TNRC6B: variants seen among roughly 807,000 people sequenced by gnomAD.
TNRC6B encodes trinucleotide repeat-containing gene 6B protein.
A neutral mutation model predicts 203.6 loss-of-function variants in TNRC6B; 52 were observed. The ratio of observed to expected loss-of-function variants is 0.26; its 90% CI spans 0.20 to 0.32. The LOEUF (loss-of-function observed/expected upper bound fraction) is 0.32. Ranked by LOEUF, TNRC6B falls within the 10% of genes least tolerant of loss-of-function variation. TNRC6B has a pLI of 1.00. For missense variants in TNRC6B, 1,923 were observed against 2,286.2 expected (o/e 0.84, Z 3.24); for synonymous variants, 838 against 845.7 (o/e 0.99, Z 0.16).
chr22:40,046,790 G>A (rs943060921), intron 1 of TNRC6B, among the ~76,000 whole-genome samples: 2 of 151,684 alleles, frequency 1.3e-5, no homozygotes, highest in Admixed American at 1.3e-4. Context: ...GACTACAGGC[G>A]CCCGCCACCA....
intron 4 of TNRC6B, among the ~76,000 whole-genome samples, chr22:40,158,199 C>T (rs2068835183): frequency 6.6e-6 from 1 of 151,848 alleles, no homozygotes; most frequent in South Asian, 2.1e-4. Context: ...ATTAGCCAGG[C>T]GTGGTGGCAC....
At chr22:40,308,316 C>T (rs932186764) in intron 15 of TNRC6B, among the ~76,000 whole-genome samples, 196 bp from the exon 16 acceptor site, 4 of 152,314 alleles carry the variant, frequency 2.6e-5, no homozygotes, top group East Asian at 3.9e-4. Flanking sequence ...CACATCTTCA[C>T]GCCTTCACAG....
At chr22:40,078,597 A>G (rs762245554) in intron 1 of TNRC6B, among the ~76,000 whole-genome samples, 9 of 151,820 alleles carry the variant, frequency 5.9e-5, no homozygotes, top group Admixed American at 2.6e-4. Flanking sequence ...TTATTTATTT[A>G]TTTATTTTTT....
intron 1 of TNRC6B, among the ~76,000 whole-genome samples, chr22:40,081,309 T>G (rs1181201199): frequency 6.9e-6 from 1 of 145,306 alleles, no homozygotes; most frequent in Non-Finnish European, 1.5e-5. Flanking sequence ...GTCTGCGTGT[T>G]TTTTTTTTTT....
At position 40,273,572 on chromosome 22, in the gene TNRC6B, G is replaced by A. The variant is rs2070595291; in HGVS notation, c.3113G>A (p.Trp1038Ter). The A allele has an allele frequency of 6.3e-7, 1 of 1,585,062 alleles. No individual in the cohort carries two copies. Among genetic ancestry groups the A allele is most frequent in the Non-Finnish European group, 8.6e-7 (1 of 1,165,558 alleles). Reference protein sequence around the residue: ...GSASSHNSASWGQGGKKQMKC... With the variant: ...GSASSHNSAS ...GCTTCCTCCCACAACTCAGCAAGCT[G>A]GGGACAAGGAGGAAAGAAACAAATG... The change falls in exon 7 of 23, where the codon TGG (tryptophan) becomes TAG (stop). Residue 1038 changes from tryptophan (W) to a stop codon, truncating the protein, a stop_gained. Coordinates refer to ENST00000454349, the MANE Select transcript of TNRC6B (RefSeq NM_001162501.2). LOFTEE classifies it high-confidence loss of function.
intron 1 of TNRC6B, among the ~76,000 whole-genome samples, chr22:40,221,813 T>C (rs1462506000): frequency 2.1e-5 from 3 of 140,394 alleles, no homozygotes; most frequent in Non-Finnish European, 4.6e-5. Flanking sequence ...GCTCCAAGGC[T>C]CCCACTGGAC....
intron 17 of TNRC6B, 120 bp downstream of exon 17, chr22:40,311,113 T>C: frequency 5.1e-6 from 6 of 1,175,702 alleles, no homozygotes; most frequent in Non-Finnish European, 7.1e-6. Flanking sequence ...ATTTTTTTCA[T>C]TCAATAATTG....
chr22:40,242,068 G>C (rs2070036088), intron 1 of TNRC6B, among the ~76,000 whole-genome samples: 1 of 152,024 alleles, frequency 6.6e-6, no homozygotes, highest in East Asian at 1.9e-4. Flanking sequence ...GAGAACTCTG[G>C]TTTTATTTAG....
At position 40,326,409 on chromosome 22, in the gene TNRC6B, G is replaced by T. The variant is rs1205806062; in HGVS notation, c.*3168G>T. 1.3e-5 allele frequency: 2 copies of T among 152,540 alleles called. No homozygotes were observed. The highest frequency in any genetic ancestry group is 2.9e-5 in the Non-Finnish European group (2 of 68,040). The allele number at this position is 152,540 out of a possible 1,614,324, so 9.4% of individuals were successfully genotyped here. On this transcript the variant is annotated 3_prime_UTR_variant, in exon 23 of 23. Coordinates refer to ENST00000454349, the MANE Select transcript of TNRC6B (RefSeq NM_001162501.2). Reference sequence around the variant, plus strand: ...ATATTTTTTAAAAATTATCAATTTAGCAGCAACAGGTAAATTCATTATCTT... The same window carrying T: ...ATATTTTTTAAAAATTATCAATTTATCAGCAACAGGTAAATTCATTATCTT...
At chr22:40,321,428 ATCAGAG>A in intron 22 of TNRC6B, 199 bp downstream of exon 22, 1 of 552,724 alleles carries the variant, frequency 1.8e-6, no homozygotes, top group South Asian at 2.9e-5. Flanking sequence ...TCCTGTATAT[ATCAGAG>A]GCCAGTCGTC....
At chr22:40,202,959 C>T (rs2069433247) in intron 1 of TNRC6B, among the ~76,000 whole-genome samples, 3 of 152,136 alleles carry the variant, frequency 2.0e-5, no homozygotes, top group African/African-American at 7.2e-5. Context: ...TGATCTAACA[C>T]ACTGAATTTA....
At chr22:40,305,717 A>G (rs1334115181) in intron 15 of TNRC6B, among the ~76,000 whole-genome samples, 1 of 152,156 alleles carries the variant, frequency 6.6e-6, no homozygotes. Flanking sequence ...ATTTTTCCTG[A>G]CCAAACCTTG....
intron 3 of TNRC6B, among the ~76,000 whole-genome samples, chr22:40,155,155 T>C (rs1198183538): frequency 6.6e-6 from 1 of 151,940 alleles, no homozygotes; most frequent in Non-Finnish European, 1.5e-5. Flanking sequence ...TTTTTTTCTG[T>C]TAAAAATAAT....
intron 1 of TNRC6B, among the ~76,000 whole-genome samples, chr22:40,098,756 C>G (rs1010213555): frequency 1.3e-5 from 2 of 151,982 alleles, no homozygotes; most frequent in African/African-American, 4.8e-5. Flanking sequence ...AAGAGACAGT[C>G]TCACTCTGTC....
At position 40,281,165 on chromosome 22, in the gene TNRC6B, C is replaced by G. The variant is rs1043326558; in HGVS notation, c.3458C>G (p.Ala1153Gly). ...CAAGATGGGTGCCTTGGGGATGAGGCTCCCTGCTCTCCCTTCTCCCCTTCT... is the reference window on the plus strand; with the variant it reads ...CAAGATGGGTGCCTTGGGGATGAGGGTCCCTGCTCTCCCTTCTCCCCTTCT... ...SNQDGCLGDE[A>G]PCSPFSPSPS... Residue 1153 changes from alanine (A) to glycine (G), a missense_variant, in exon 11 of 23, where the codon GCT becomes GGT. Ala to Gly is a moderately conservative substitution (Grantham distance 60). Around this residue, in one of 8 missense-constraint regions of TNRC6B, gnomAD observed 599 missense variants for 656.5 expected, o/e 0.91. Coordinates refer to ENST00000454349, the MANE Select transcript of TNRC6B (RefSeq NM_001162501.2). The G allele has an allele frequency of 6.4e-7, 1 of 1,551,104 alleles. No individual in the cohort carries two copies. Among genetic ancestry groups the G allele is most frequent in the Admixed American group, 2.0e-5 (1 of 50,920 alleles).
chr22:40,168,861 T>A (rs1185403222), intron 4 of TNRC6B, among the ~76,000 whole-genome samples: 1 of 152,220 alleles, frequency 6.6e-6, no homozygotes, highest in Admixed American at 6.5e-5. Flanking sequence ...CCTCCTCCCC[T>A]GTGAAATCTT....
chr22:40,225,674 C>T (rs1052124034), intron 1 of TNRC6B, among the ~76,000 whole-genome samples: 2 of 134,258 alleles, frequency 1.5e-5, no homozygotes, highest in African/African-American at 5.5e-5. Context: ...ACTTGGGAGG[C>T]AGAGGTTGCA....
rs2068731373 is a variant in TNRC6B at position 40,149,742 on chromosome 22, T to C, written c.46-6373T>C. ...ATGATGAAACTTTTAGGGTGGTATG[T>C]TCATTGTCTTGCTTGTGGTGATGAT... is the stretch of plus-strand genomic sequence containing the variant. On this transcript the variant is annotated intron_variant, in intron 3 of 23. Transcript: ENST00000301923. Among the ~76,000 whole-genome samples, 4 of 151,600 alleles carry C rather than the reference T, an allele frequency of 2.6e-5. No homozygotes were observed. In the South Asian group the frequency reaches 8.3e-4, roughly 32 times the overall value.
intron 3 of TNRC6B, among the ~76,000 whole-genome samples, chr22:40,140,281 CAT>C (rs1308838263): frequency 6.6e-6 from 1 of 151,974 alleles, no homozygotes. Context: ...TAACTGATAA[CAT>C]ATTTTAATAT....
Sources: allele counts gnomAD v4.1 joint callset (sites outside exome capture counted in the v4.1 genomes callset), GRCh38; gene constraint gnomAD v4.1.1; regional missense constraint gnomAD v4.1.1; transcripts MANE v1.5; gene names NCBI Gene and HGNC (gene_info 2026-07-23, HGNC 2026-07-21).